The following KCNQ2 variants were observed in gnomAD, a reference collection of about 807,000 sequenced individuals.
KCNQ2 encodes potassium voltage-gated channel subfamily KQT member 2.
In KCNQ2, 14 loss-of-function variants were observed where a neutral mutation model predicts 84.8. That is an observed-to-expected ratio of 0.17 (90% CI 0.11 to 0.26). The LOEUF is 0.26. KCNQ2 is among the 10% of genes least tolerant of loss of function. The probability of loss-of-function intolerance (pLI) is 1.00; values close to 1 mark genes in which losing one functional copy is unlikely to be tolerated. For synonymous variants in KCNQ2, 599 were observed against 554.1 expected, an observed-to-expected ratio of 1.08 and a Z score of -1.14; for missense variants, 788 against 1,254.0, an observed-to-expected ratio of 0.63 and a Z score of 5.61.
At chr20:63,469,992 T>C (rs945009657) in intron 1 of KCNQ2, among the ~76,000 whole-genome samples, 1 of 151,798 alleles carries the variant, frequency 6.6e-6, no homozygotes, top group Non-Finnish European at 1.5e-5. Context: ...CCTGGAAGAG[T>C]GTGATGCCCC....
At position 63,407,727 on chromosome 20, in the gene KCNQ2, A is replaced by T. The variant is rs2079993930; in HGVS notation, c.1888-352T>A. ...AAGTCGGTCGACTTGGGCTGGTCCC[A>T]GGAGGTGGGGGGACCTGGGTTGCTC... is the stretch of plus-strand genomic sequence containing the variant. On this transcript the variant is annotated intron_variant, in intron 16 of 16. Transcript: ENST00000359125. This position sits in a 1 kb window ranked among gnomAD's most constrained non-coding sequence, Gnocchi z 7.2. Among the ~76,000 whole-genome samples the T allele has an allele frequency of 7.7e-6, 1 of 129,170 alleles. No homozygotes were observed. Among genetic ancestry groups the T allele is most frequent in the Non-Finnish European group, 1.7e-5 (1 of 59,240 alleles). 84.7% of individuals were successfully genotyped at this position (129,170 alleles called of 152,430 possible).
intron 11 of KCNQ2, among the ~76,000 whole-genome samples, chr20:63,420,701 C>T (rs1042469635): frequency 2.0e-5 from 3 of 152,142 alleles, no homozygotes; most frequent in Non-Finnish European, 2.9e-5. Flanking sequence ...AGCACTCAGC[C>T]GCCCGGGTAG....
At chr20:63,465,841 C>G (rs368482829) in intron 1 of KCNQ2, among the ~76,000 whole-genome samples, 1 of 152,208 alleles carries the variant, frequency 6.6e-6, no homozygotes, top group Non-Finnish European at 1.5e-5. Flanking sequence ...AAAGGGCATC[C>G]GCGTTCCGGG....
rs2081069064 is a variant in KCNQ2, at chr20:63,438,527, C to T, written c.1023+98G>A. On this transcript the variant is annotated intron_variant, in intron 7 of 16. Transcript: ENST00000359125. This position sits in a 1 kb window ranked among gnomAD's most constrained non-coding sequence, Gnocchi z 5.1. ...GAGGGTGAGCGCTGTGGCCCATCCA[C>T]AGACAGGGCAATGCCAAAGCCCCAG... 1.0e-6 allele frequency: 1 copy of T among 989,352 alleles called. No individual in the cohort carries two copies. The allele number at this position is 989,352 out of a possible 1,614,324, so 61.3% of individuals were successfully genotyped here. A position where few individuals can be genotyped will look rare whatever the true frequency, so the allele number is the denominator to read the frequency against.
Position 63,438,819 on chromosome 20 carries a change from A to G in KCNQ2, c.928-99T>C. 2 of 723,742 alleles carry G rather than the reference A, an allele frequency of 2.8e-6. No individual in the cohort carries two copies. Among genetic ancestry groups the G allele is most frequent in the Non-Finnish European group, 2.2e-6 (1 of 451,168 alleles). 44.8% of individuals were successfully genotyped at this position (723,742 alleles called of 1,614,324 possible). On this transcript the variant is annotated intron_variant, in intron 6 of 16. Transcript: ENST00000359125. The surrounding 1 kb of genome is among the most constrained non-coding windows in gnomAD (Gnocchi z 5.1). ...TGGGGCCCCACACCCCCCCCAATTC[A>G]TCAGGGTCAGACCACACTCCAGAGA...
At chr20:63,439,060 C>CA (rs1478079458) in intron 6 of KCNQ2, among the ~76,000 whole-genome samples, 1 of 152,166 alleles carries the variant, frequency 6.6e-6, no homozygotes, top group Non-Finnish European at 1.5e-5. Flanking sequence ...ACACTGAACT[C>CA]AGAGTGGCCT....
At position 63,446,464 on chromosome 20, in the gene KCNQ2, G is replaced by C. The variant is rs1444830040; in HGVS notation, c.387+283C>G. On this transcript the variant is annotated intron_variant, in intron 2 of 16. Coordinates refer to ENST00000359125, the MANE Select transcript of KCNQ2 (RefSeq NM_172107.4). This position sits in a 1 kb window ranked among gnomAD's most constrained non-coding sequence, Gnocchi z 5.5. ...AGATAAAGTGGGGATGGGAAAGGGA[G>C]GGTGGCCCACCCAGGGTGGGGGCGA... Among the ~76,000 whole-genome samples, 2 of 152,296 alleles carry C rather than the reference G, an allele frequency of 1.3e-5. No individual in the cohort carries two copies. Among genetic ancestry groups the C allele is most frequent in the African/African-American group, 4.8e-5 (2 of 41,572 alleles).
At position 63,407,257 on chromosome 20, in the gene KCNQ2, G is replaced by A. The variant is rs774306858; in HGVS notation, c.2006C>T (p.Pro669Leu). The A allele has an allele frequency of 1.3e-6, 2 of 1,598,396 alleles. No individual in the cohort carries two copies. Among genetic ancestry groups the A allele is most frequent in the Non-Finnish European group, 1.7e-6 (2 of 1,177,996 alleles). ...CCGGCTGTCTTCCGGGCTGTGGTAC[G>A]GCGGCGCCGGCTCCGGCTCTTTGGC... ...FGAKEPEPAP[P>L]YHSPEDSREH... Residue 669 changes from proline to leucine, a missense_variant, in exon 17 of 17, where the codon CCG becomes CTG. Around this residue, in one of 8 missense-constraint regions of KCNQ2, gnomAD observed 378 missense variants for 434.5 expected, o/e 0.87. Transcript: ENST00000359125. The surrounding 1 kb of genome is among the most constrained non-coding windows in gnomAD (Gnocchi z 7.2).
intron 1 of KCNQ2, chr20:63,447,492 AC>A (rs1321134301): frequency 2.0e-5 from 3 of 152,772 alleles, no homozygotes; most frequent in Admixed American, 1.9e-4. Context: ...TTCACGTCCC[AC>A]GCGATTACCT....
At chr20:63,441,110 G>A (rs4809301) in intron 5 of KCNQ2, among the ~76,000 whole-genome samples, 48,848 of 86,304 alleles carry the variant, frequency 0.57, 15,956 homozygotes, top group East Asian at 0.92. Flanking sequence ...TGGGACTACA[G>A]GCGCCCGCCA....
intron 1 of KCNQ2, among the ~76,000 whole-genome samples, chr20:63,458,661 C>T (rs951498661): frequency 1.1e-4 from 16 of 152,224 alleles, no homozygotes; most frequent in African/African-American, 3.9e-4. Context: ...GAGGCAGGAC[C>T]CCACATCCTC....
intron 7 of KCNQ2, 179 bp from the exon 8 acceptor site, chr20:63,434,082 C>G: frequency 3.4e-6 from 2 of 584,004 alleles, no homozygotes; most frequent in Non-Finnish European, 6.0e-6. Context: ...TCAGTTTACC[C>G]TCTGTAGGAC....
chr20:63,426,841 T>C (rs1326166926), intron 10 of KCNQ2, among the ~76,000 whole-genome samples: 4 of 152,100 alleles, frequency 2.6e-5, no homozygotes, highest in Admixed American at 2.0e-4. Flanking sequence ...GACACCTCAG[T>C]TTCTTCCAGC....
At position 63,403,938 on chromosome 20, in the gene KCNQ2, G is replaced by T. The variant is rs189020482; in HGVS notation, c.*2706C>A. Reference sequence around the variant, plus strand: ...ACTTCTCTGAGGTGGGGCAGTAGGTGGCTGCACTGCTCAGGCTAGAGTCTG... The same window carrying T: ...ACTTCTCTGAGGTGGGGCAGTAGGTTGCTGCACTGCTCAGGCTAGAGTCTG... On this transcript the variant is annotated 3_prime_UTR_variant, in exon 17 of 17. Coordinates refer to ENST00000359125, the MANE Select transcript of KCNQ2 (RefSeq NM_172107.4). The T allele has an allele frequency of 4.3e-3, 659 of 152,386 alleles. 6 individuals carry two copies. The highest frequency in any genetic ancestry group is 5.8e-3 in the Admixed American group (89 of 15,306). The allele number at this position is 152,386 out of a possible 1,614,324, so 9.4% of individuals were successfully genotyped here.
At chr20:63,417,705 G>A (rs1264186946) in intron 12 of KCNQ2, among the ~76,000 whole-genome samples, 3 of 152,254 alleles carry the variant, frequency 2.0e-5, no homozygotes, top group Admixed American at 6.5e-5. Flanking sequence ...GGGAGTTGCA[G>A]GAAGGGAGTG....
chr20:63,456,279 C>T (rs1171522987), intron 1 of KCNQ2, among the ~76,000 whole-genome samples: 1 of 152,160 alleles, frequency 6.6e-6, no homozygotes, highest in Non-Finnish European at 1.5e-5. Context: ...ATGACACAGA[C>T]GCCGCCACCC....
chr20:63,440,576 T>G (rs1196782391), intron 5 of KCNQ2, among the ~76,000 whole-genome samples: 2 of 152,130 alleles, frequency 1.3e-5, no homozygotes, highest in Non-Finnish European at 2.9e-5. Flanking sequence ...GGGCAGAGTC[T>G]TAGATAAACA....
intron 15 of KCNQ2, among the ~76,000 whole-genome samples, chr20:63,411,367 T>C (rs896220007): frequency 6.6e-6 from 1 of 152,102 alleles, no homozygotes; most frequent in African/African-American, 2.4e-5. Flanking sequence ...GGTCAGTGCC[T>C]GGGGAGGCTG....
intron 15 of KCNQ2, among the ~76,000 whole-genome samples, chr20:63,412,493 G>A (rs1054655231): frequency 2.6e-5 from 4 of 152,224 alleles, no homozygotes; most frequent in African/African-American, 9.6e-5. Flanking sequence ...CGGGGTGAAG[G>A]GGATGGCTCA....
Sources: gnomAD v4.1 joint callset for allele counts (sites outside exome capture counted in the v4.1 genomes callset) on GRCh38, gnomAD v4.1.1 for gene constraint, gnomAD v4.1.1 regional missense constraint, Gnocchi (gnomAD v3.1) non-coding constraint, MANE v1.5 for transcripts, NCBI Gene and HGNC (gene_info 2026-07-23, HGNC 2026-07-21) for gene names.